The following MPHOSPH8 variants were observed in gnomAD, a reference collection of about 807,000 sequenced individuals.
MPHOSPH8 encodes M-phase phosphoprotein, mpp.
A neutral mutation model predicts 87.3 loss-of-function variants in MPHOSPH8; 45 were observed. The ratio of observed to expected loss-of-function variants is 0.52; its 90% CI spans 0.41 to 0.66. The LOEUF is 0.66. Ranked by LOEUF, MPHOSPH8 falls within the 30% of genes least tolerant of loss-of-function variation. The pLI is 0.00. For missense variants in MPHOSPH8, 883 were observed against 1,020.2 expected, an observed-to-expected ratio of 0.87 and a Z score of 1.83; for synonymous variants, 366 against 376.9, an observed-to-expected ratio of 0.97 and a Z score of 0.33.
rs763489740 is a variant in MPHOSPH8, at chr13:19,647,292, G to A, written c.1218+1G>A. Reference sequence around the variant, plus strand: ...CTGGTCCACGGACTCAGCCGAGGAGGTAAGGGCCACGGGAGGCAGCAGAAA... The same window carrying A: ...CTGGTCCACGGACTCAGCCGAGGAGATAAGGGCCACGGGAGGCAGCAGAAA... On this transcript the variant is annotated splice_donor_variant, in intron 3 of 13. Coordinates refer to ENST00000361479, the MANE Select transcript of MPHOSPH8 (RefSeq NM_017520.4). LOFTEE classifies it high-confidence loss of function. The A allele has an allele frequency of 2.5e-6, 4 of 1,586,672 alleles. No individual in the cohort carries two copies. The highest frequency in any genetic ancestry group is 1.7e-4 in the Middle Eastern group (1 of 5,920).
chr13:19,646,919 A>C lies in MPHOSPH8; in HGVS notation c.846A>C (p.Leu282=). Residue 282 remains leucine (L), a synonymous_variant, in exon 3 of 14, where the codon CTA becomes CTC. Transcript: ENST00000361479. ...SPFPEDDSEG[L]HSDSREEKQN... Reference sequence around the variant, plus strand: ...TTCCAGAGGATGACAGTGAAGGGCTACATTCCGACAGCAGAGAAGAGAAAC... The same window carrying C: ...TTCCAGAGGATGACAGTGAAGGGCTCCATTCCGACAGCAGAGAAGAGAAAC... 6.2e-7 allele frequency: 1 copy of C among 1,601,664 alleles called. No individual in the cohort carries two copies. Among genetic ancestry groups the C allele is most frequent in the East Asian group, 2.2e-5 (1 of 44,844 alleles).
chr13:19,643,829 A>G (rs1419684472), intron 2 of MPHOSPH8, among the ~76,000 whole-genome samples: 1 of 152,084 alleles, frequency 6.6e-6, no homozygotes, highest in East Asian at 1.9e-4. Flanking sequence ...CCCAGCCTCA[A>G]TAAATCCATG....
rs1874679984 is a variant in MPHOSPH8, at chr13:19,648,427, A to G, written c.1224A>G (p.Lys408=). 1.3e-6 allele frequency: 2 copies of G among 1,581,742 alleles called. No individual in the cohort carries two copies. The highest frequency in any genetic ancestry group is 2.3e-5 in the East Asian group (1 of 43,596). The part of the protein sequence containing the change: ...LWSTDSAEED[K]ETKRNESKEK... ...GGATATCATGTCATTTTCAGGACAA[A>G]GAAACCAAAAGAAATGAATCCAAAG... Residue 408 remains lysine, a synonymous_variant, in exon 4 of 14, where the codon AAA becomes AAG. Transcript: ENST00000361479.
At chr13:19,667,170 A>G (rs778858724) in intron 10 of MPHOSPH8, among the ~76,000 whole-genome samples, 1 of 152,190 alleles carries the variant, frequency 6.6e-6, no homozygotes, top group Non-Finnish European at 1.5e-5. Context: ...TCCGCCCCCC[A>G]CCACCAAAAA....
Position 19,647,289 on chromosome 13 carries a change from G to A in MPHOSPH8, c.1216G>A (p.Glu406Lys), listed in dbSNP as rs775860987. The A allele has an allele frequency of 6.3e-7, 1 of 1,592,116 alleles. No individual in the cohort carries two copies. Among genetic ancestry groups the A allele is most frequent in the Admixed American group, 1.9e-5 (1 of 53,416 alleles). The change falls in exon 3 of 14, where the codon GAG becomes AAG. Residue 406 changes from glutamate (E) to lysine (K), a missense_variant and splice_region_variant. By Grantham distance (56) the Glu-to-Lys change is moderately conservative. Around this residue, in one of 3 missense-constraint regions of MPHOSPH8, gnomAD observed 741 missense variants for 841.5 expected, o/e 0.88. Coordinates refer to ENST00000361479, the MANE Select transcript of MPHOSPH8 (RefSeq NM_017520.4). Reference protein sequence around the residue: ...RGLWSTDSAEEDKETKRNESK... With the variant: ...RGLWSTDSAEKDKETKRNESK... ...CCTCTGGTCCACGGACTCAGCCGAG[G>A]AGGTAAGGGCCACGGGAGGCAGCAG...
intron 2 of MPHOSPH8, among the ~76,000 whole-genome samples, chr13:19,645,225 C>T (rs1170637540): frequency 1.3e-5 from 2 of 152,182 alleles, no homozygotes; most frequent in Admixed American, 6.5e-5. Flanking sequence ...TTGTTGCCTT[C>T]GCTTCCCCTG....
In MPHOSPH8 at chr13:19,671,903, T is replaced by C; in HGVS notation, c.*28T>C. 6.2e-7 allele frequency: 1 copy of C among 1,609,076 alleles called. No individual in the cohort carries two copies. Among genetic ancestry groups the C allele is most frequent in the Non-Finnish European group, 8.5e-7 (1 of 1,175,446 alleles). ...AAACAGAAGGGACTGGGCGGAGTTCTCTTCAGACCGATTCCTATACTCTCT... is the reference window on the plus strand; with the variant it reads ...AAACAGAAGGGACTGGGCGGAGTTCCCTTCAGACCGATTCCTATACTCTCT... On this transcript the variant is annotated 3_prime_UTR_variant, in exon 14 of 14. Coordinates refer to ENST00000361479, the MANE Select transcript of MPHOSPH8 (RefSeq NM_017520.4).
chr13:19,659,709 A>T lies in MPHOSPH8; in HGVS notation c.1791+420A>T, dbSNP rs1325640578. 7.1e-6 allele frequency: 3 copies of T among 424,544 alleles called. No individual in the cohort carries two copies. The East Asian group carries it at 2.1e-4, about 30-fold the overall frequency. The allele number at this position is 424,544 out of a possible 1,614,324, so 26.3% of individuals were successfully genotyped here. On this transcript the variant is annotated intron_variant, in intron 7 of 13. Transcript: ENST00000361479. ...CACGTTCACTTTGTAAAATAAAAAA[A>T]TTGTAGAACCCTATAAATGTACAAT...
At chr13:19,650,428 G>A (rs1874782308) in intron 5 of MPHOSPH8, 168 bp downstream of exon 5, 4 of 719,358 alleles carry the variant, frequency 5.6e-6, no homozygotes, top group African/African-American at 3.6e-5. Flanking sequence ...GTCATTCTGT[G>A]ACTTCTCAAT....
At chr13:19,647,789 TTATA>T (rs1446245836) in intron 3 of MPHOSPH8, among the ~76,000 whole-genome samples, 1 of 152,208 alleles carries the variant, frequency 6.6e-6, no homozygotes. Context: ...ATGAGAGTAT[TTATA>T]TATGCAATAT....
At chr13:19,635,210 AC>A (rs1478630384) in intron 1 of MPHOSPH8, among the ~76,000 whole-genome samples, 1 of 152,228 alleles carries the variant, frequency 6.6e-6, no homozygotes, top group Non-Finnish European at 1.5e-5. Context: ...TACCTGGCAC[AC>A]AGGAGGTATT....
intron 8 of MPHOSPH8, 21 bp downstream of exon 8, chr13:19,661,859 C>A: frequency 1.3e-6 from 2 of 1,591,500 alleles, no homozygotes; most frequent in South Asian, 2.3e-5. Context: ...TCTTATGCAT[C>A]AGTTTCAGAG....
intron 5 of MPHOSPH8, among the ~76,000 whole-genome samples, chr13:19,654,465 TTATAG>T (rs202101380): frequency 6.6e-6 from 1 of 151,912 alleles, no homozygotes; most frequent in Non-Finnish European, 1.5e-5. Flanking sequence ...ACCCCAGAAC[TTATAG>T]TAATAAAAAA....
At chr13:19,635,291 C>A (rs979467246) in intron 1 of MPHOSPH8, among the ~76,000 whole-genome samples, 2 of 152,086 alleles carry the variant, frequency 1.3e-5, no homozygotes, top group Non-Finnish European at 2.9e-5. Flanking sequence ...GAGGCCAAGG[C>A]GGACGGATCA....
At chr13:19,666,307 CT>C in intron 9 of MPHOSPH8, 117 bp from the exon 10 acceptor site, 1 of 1,099,252 alleles carries the variant, frequency 9.1e-7, no homozygotes, top group South Asian at 2.1e-5. Flanking sequence ...GTTCTCTATC[CT>C]TCTTCCATGG....
At chr13:19,642,333 A>G (rs1439615874) in intron 2 of MPHOSPH8, 63 bp downstream of exon 2, 6 of 1,327,576 alleles carry the variant, frequency 4.5e-6, no homozygotes, top group Middle Eastern at 1.9e-4. Context: ...TTTAACTCTC[A>G]AAGTATGTGT....
At position 19,646,999 on chromosome 13, in the gene MPHOSPH8, G is replaced by A. The variant is rs1184824745; in HGVS notation, c.926G>A (p.Gly309Asp). Residue 309 changes from glycine (G) to aspartate (D), a missense_variant, in exon 3 of 14, where the codon GGC becomes GAC. By Grantham distance (94) the Gly-to-Asp change is moderately conservative. This residue lies in a region of MPHOSPH8 where 741 missense variants were observed against 841.5 expected (regional missense o/e 0.88). Transcript: ENST00000361479. ...RAGQDMGLEH[G>D]FEKPLDSAMS... is the part of the protein sequence containing the mutation. ...GGGCAGGACATGGGGCTGGAGCATG[G>A]CTTTGAGAAGCCCCTAGACAGTGCC... 6.3e-7 allele frequency: 1 copy of A among 1,592,406 alleles called. No individual in the cohort carries two copies. The highest frequency in any genetic ancestry group is 1.9e-5 in the Admixed American group (1 of 52,634).
chr13:19,661,770 A>T lies in MPHOSPH8; in HGVS notation c.1864A>T (p.Thr622Ser). The T allele has an allele frequency of 6.2e-7, 1 of 1,613,426 alleles. No individual in the cohort carries two copies. Among genetic ancestry groups the T allele is most frequent in the Non-Finnish European group, 8.5e-7 (1 of 1,179,698 alleles). ...GQDDLLRLLI[T>S]KGAKVNGRQK... is the part of the protein sequence containing the mutation. Reference sequence around the variant, plus strand: ...GGACGACCTCCTGCGACTCCTCATCACAAAAGGCGCGAAAGTGAACGGTCG... The same window carrying T: ...GGACGACCTCCTGCGACTCCTCATCTCAAAAGGCGCGAAAGTGAACGGTCG... The change falls in exon 8 of 14, where the codon ACA (threonine) becomes TCA (serine). Residue 622 changes from threonine (T) to serine (S), a missense_variant. Thr to Ser is a moderately conservative substitution (Grantham distance 58). Transcript: ENST00000361479.
chr13:19,668,403 T>C lies in MPHOSPH8; in HGVS notation c.2201T>C (p.Ile734Thr), dbSNP rs1875935950. 1.2e-6 allele frequency: 2 copies of C among 1,613,988 alleles called. No individual in the cohort carries two copies. Among genetic ancestry groups the C allele is most frequent in the East Asian group, 2.2e-5 (1 of 44,884 alleles). Residue 734 changes from isoleucine to threonine, a missense_variant, in exon 11 of 14, where the codon ATA becomes ACA. Ile to Thr is a moderately conservative substitution (Grantham distance 89). Transcript: ENST00000361479. Reference protein sequence around the residue: ...ETLSRVAEETIKDYFEARLAL... With the variant: ...ETLSRVAEETTKDYFEARLAL... ...CTTTCAAGAGTAGCAGAAGAGACAA[T>C]AAAGGATTACTTTGAAGCTCGCCTT...
Sources: gnomAD v4.1 joint callset for allele counts (sites outside exome capture counted in the v4.1 genomes callset) on GRCh38, gnomAD v4.1.1 for gene constraint, gnomAD v4.1.1 regional missense constraint, MANE v1.5 for transcripts, NCBI Gene and HGNC (gene_info 2026-07-23, HGNC 2026-07-21) for gene names.